The following CHRM3 variants were observed in gnomAD, a reference collection of about 807,000 sequenced individuals.
CHRM3 encodes muscarinic acetylcholine receptor M3.
CHRM3 carries 11 observed loss-of-function variants against 41.8 expected under a neutral mutation model. That is an observed-to-expected ratio of 0.26 (90% CI 0.17 to 0.44). The LOEUF is 0.44. Among genes scored for constraint, CHRM3 ranks in the 20% least tolerant of loss-of-function variants. The pLI is 1.00. For synonymous variants in CHRM3, 297 were observed against 301.4 expected (o/e 0.99, Z 0.15); for missense variants, 571 against 745.4 (o/e 0.77, Z 2.72).
chr1:239,642,284 C>G (rs866514035), intron 4 of CHRM3, among the ~76,000 whole-genome samples: 2,044 of 151,452 alleles, frequency 0.013, 15 homozygotes, highest in Middle Eastern at 0.027. Flanking sequence ...GTGGCATTCT[C>G]TGTATTTCCT....
chr1:239,907,882 G>C lies in CHRM3; in HGVS notation c.431G>C (p.Trp144Ser). The part of the protein sequence containing the change: ...WALGNLACDL[W>S]LAIDYVASNA... ...TTAGGGAACTTGGCCTGTGACCTCT[G>C]GCTTGCCATTGACTACGTAGCCAGC... is the stretch of plus-strand genomic sequence containing the variant. Residue 144 changes from tryptophan to serine, a missense_variant, in exon 7 of 7, where the codon TGG becomes TCG. Around this residue, in one of 5 missense-constraint regions of CHRM3, gnomAD observed 153 missense variants for 296.3 expected, o/e 0.52. Coordinates refer to ENST00000676153, the MANE Select transcript of CHRM3 (RefSeq NM_001375978.1). The surrounding 1 kb of genome is among the most constrained non-coding windows in gnomAD (Gnocchi z 5.4). 6.2e-7 allele frequency: 1 copy of C among 1,614,210 alleles called. No individual in the cohort carries two copies. The highest frequency in any genetic ancestry group is 8.5e-7 in the Non-Finnish European group (1 of 1,180,044).
chr1:239,772,370 C>T (rs574997983), intron 5 of CHRM3, among the ~76,000 whole-genome samples: 28 of 152,218 alleles, frequency 1.8e-4, no homozygotes, highest in Non-Finnish European at 4.0e-4. Flanking sequence ...AGGCTGGTCT[C>T]GAACTCCTGA....
intron 1 of CHRM3, among the ~76,000 whole-genome samples, chr1:239,440,730 G>A (rs1329757949): frequency 2.0e-5 from 3 of 152,188 alleles, no homozygotes; most frequent in East Asian, 3.8e-4. Context: ...TTTTGTCAGA[G>A]AACAGGTCTG....
intron 1 of CHRM3, among the ~76,000 whole-genome samples, chr1:239,417,060 C>T (rs1431235560): frequency 6.6e-6 from 1 of 152,214 alleles, no homozygotes; most frequent in African/African-American, 2.4e-5. Flanking sequence ...TCAGAGGCCA[C>T]TGAACAACAG....
chr1:239,465,189 G>A (rs932862392), intron 1 of CHRM3, among the ~76,000 whole-genome samples: 1 of 152,238 alleles, frequency 6.6e-6, no homozygotes, highest in Non-Finnish European at 1.5e-5. Flanking sequence ...GGCCAGTCCA[G>A]CTGATGTACA....
chr1:239,837,991 A>C (rs1226102436), intron 6 of CHRM3, among the ~76,000 whole-genome samples: 1 of 152,238 alleles, frequency 6.6e-6, no homozygotes, highest in Non-Finnish European at 1.5e-5. Flanking sequence ...ATAGTAAAAT[A>C]AAAACACTTT....
chr1:239,644,901 A>G (rs752323622), intron 4 of CHRM3, among the ~76,000 whole-genome samples: 2 of 152,176 alleles, frequency 1.3e-5, no homozygotes, highest in Admixed American at 6.5e-5. Flanking sequence ...GTGAAGACAG[A>G]TAAGTGGGCC....
In CHRM3 at chr1:239,912,010, A is replaced by T. The variant is rs1016992383; in HGVS notation, c.*2786A>T. 5 of 167,116 alleles carry T rather than the reference A, an allele frequency of 3.0e-5. No individual in the cohort carries two copies. The highest frequency in any genetic ancestry group is 2.0e-4 in the Admixed American group (3 of 15,292). The allele number at this position is 167,116 out of a possible 1,614,324, so 10.4% of individuals were successfully genotyped here. A position where few individuals can be genotyped will look rare whatever the true frequency, so the allele number is the denominator to read the frequency against. On this transcript the variant is annotated 3_prime_UTR_variant, in exon 7 of 7. Transcript: ENST00000676153. Reference sequence around the variant, plus strand: ...TAAGATCAAAATGTCTTCATCCCAAATTGGGAATCGAATTATTTCATGCCA... The same window carrying T: ...TAAGATCAAAATGTCTTCATCCCAATTTGGGAATCGAATTATTTCATGCCA...
chr1:239,536,563 A>G (rs1558299637), intron 2 of CHRM3, among the ~76,000 whole-genome samples: 1 of 152,198 alleles, frequency 6.6e-6, no homozygotes, highest in African/African-American at 2.4e-5. Context: ...ACCATCATCC[A>G]CTCAAGGTAA....
chr1:239,676,994 T>A (rs562818739), intron 4 of CHRM3, among the ~76,000 whole-genome samples: 11 of 152,186 alleles, frequency 7.2e-5, no homozygotes, highest in Non-Finnish European at 1.5e-4. Flanking sequence ...CACAGCCTCC[T>A]GCATGGGAGC....
intron 2 of CHRM3, among the ~76,000 whole-genome samples, chr1:239,531,399 T>C (rs2148330175): frequency 6.6e-6 from 1 of 152,148 alleles, no homozygotes; most frequent in Non-Finnish European, 1.5e-5. Flanking sequence ...CCTGAGAATA[T>C]CAGAATTAGA....
At chr1:239,635,623 A>G (rs1670380078) in intron 4 of CHRM3, among the ~76,000 whole-genome samples, 1 of 152,216 alleles carries the variant, frequency 6.6e-6, no homozygotes, top group Non-Finnish European at 1.5e-5. Context: ...AAGGCATACG[A>G]AAATAACCAC....
At chr1:239,831,550 T>C (rs562956821) in intron 6 of CHRM3, among the ~76,000 whole-genome samples, 70 of 152,318 alleles carry the variant, frequency 4.6e-4, no homozygotes, top group African/African-American at 1.7e-3. Flanking sequence ...AAATAAGAAC[T>C]CATCCTCTAA....
At chr1:239,825,994 A>G (rs962469252) in intron 5 of CHRM3, among the ~76,000 whole-genome samples, 10 of 152,208 alleles carry the variant, frequency 6.6e-5, no homozygotes, top group Non-Finnish European at 1.3e-4. Context: ...TACGTGAGGA[A>G]CATAGAGTTC....
chr1:239,891,358 T>C (rs1392081569), intron 6 of CHRM3, among the ~76,000 whole-genome samples: 3 of 152,220 alleles, frequency 2.0e-5, no homozygotes, highest in Non-Finnish European at 4.4e-5. Context: ...TTTTTTTCCC[T>C]CTGAATAAAT....
intron 2 of CHRM3, among the ~76,000 whole-genome samples, chr1:239,526,401 A>T (rs1044580400): frequency 2.6e-5 from 4 of 152,106 alleles, no homozygotes; most frequent in African/African-American, 9.7e-5. Flanking sequence ...TTTTACGTGA[A>T]TTAAGAGACA....
chr1:239,426,503 C>T (rs1330312903), intron 1 of CHRM3, among the ~76,000 whole-genome samples: 1 of 148,136 alleles, frequency 6.8e-6, no homozygotes, highest in Non-Finnish European at 1.5e-5. Flanking sequence ...AAAATCCAAA[C>T]CAAACCAAAA....
At chr1:239,874,856 G>A (rs148244592) in intron 6 of CHRM3, among the ~76,000 whole-genome samples, 4 of 151,788 alleles carry the variant, frequency 2.6e-5, no homozygotes, top group Non-Finnish European at 4.4e-5. Context: ...GCACGACCAC[G>A]CCGGGCTAAT....
At chr1:239,842,648 GATCACTTGATAT>G (rs1380270868) in intron 6 of CHRM3, among the ~76,000 whole-genome samples, 1 of 152,052 alleles carries the variant, frequency 6.6e-6, no homozygotes, top group Non-Finnish European at 1.5e-5. Context: ...CCCAAATTCT[GATCACTTGATAT>G]ATCAGGTATT....
Sources: allele counts gnomAD v4.1 joint callset (sites outside exome capture counted in the v4.1 genomes callset), GRCh38; gene constraint gnomAD v4.1.1; regional missense constraint gnomAD v4.1.1; non-coding constraint Gnocchi (gnomAD v3.1); transcripts MANE v1.5; gene names NCBI Gene and HGNC (gene_info 2026-07-23, HGNC 2026-07-21).